Variants in LRP1B observed in about 807,000 individuals in gnomAD.
The protein encoded by LRP1B is low-density lipoprotein receptor-related protein 1B.
Under a neutral mutation model 556.6 loss-of-function variants are expected in LRP1B, and 217 were observed. That is an observed-to-expected ratio of 0.39 (90% CI 0.35 to 0.44). The LOEUF is 0.44. LRP1B is among the 20% of genes least tolerant of loss of function. The pLI, the probability that LRP1B is intolerant of heterozygous loss-of-function variation, is 1.00. For missense variants in LRP1B, 5,053 were observed against 5,620.8 expected, an observed-to-expected ratio of 0.90 and a Z score of 3.23; for synonymous variants, 2,047 against 1,865.8, an observed-to-expected ratio of 1.10 and a Z score of -2.50.
intron 1 of LRP1B, among the ~76,000 whole-genome samples, chr2:141,889,503 A>T (rs749326442): frequency 1.3e-5 from 2 of 152,178 alleles, no homozygotes; most frequent in Non-Finnish European, 2.9e-5. Context: ...TCTAATTTTA[A>T]GTATACCTAC....
chr2:141,939,855 A>C (rs1700745139), intron 1 of LRP1B, among the ~76,000 whole-genome samples: 1 of 152,172 alleles, frequency 6.6e-6, no homozygotes, highest in Non-Finnish European at 1.5e-5. Context: ...GTTGTTAAAC[A>C]TTTAATAGCA....
chr2:140,957,837 GTCTAAAC>G (rs946939715), intron 18 of LRP1B, among the ~76,000 whole-genome samples: 1 of 151,338 alleles, frequency 6.6e-6, no homozygotes. Context: ...GACCTTCAAA[GTCTAAAC>G]TCTAAGTACA....
chr2:140,861,925 G>A (rs1213705871), intron 27 of LRP1B, among the ~76,000 whole-genome samples: 1 of 152,170 alleles, frequency 6.6e-6, no homozygotes, highest in Non-Finnish European at 1.5e-5. Flanking sequence ...TTTTTGTCCT[G>A]AAATCTGTTG....
intron 2 of LRP1B, among the ~76,000 whole-genome samples, chr2:141,493,004 T>C (rs1433959536): frequency 1.3e-5 from 2 of 152,170 alleles, no homozygotes; most frequent in East Asian, 3.9e-4. Context: ...ATAGGATAAT[T>C]GCTGTTTATT....
chr2:140,929,751 T>C lies in LRP1B; in HGVS notation c.3137-6604A>G, dbSNP rs1417602739. Among the ~76,000 whole-genome samples the C allele has an allele frequency of 3.7e-5, 3 of 80,518 alleles. No individual in the cohort carries two copies. The South Asian group carries it at 1.6e-3, about 44-fold the overall frequency. The allele number at this position is 80,518 out of a possible 152,430, so 52.8% of individuals were successfully genotyped here. On this transcript the variant is annotated intron_variant, in intron 20 of 90. Coordinates refer to ENST00000389484, the MANE Select transcript of LRP1B (RefSeq NM_018557.3). ...ACTTAAAGTTTATACCACAGTCATA[T>C]AGACTCACACACACACACACACACA...
chr2:140,271,115 G>C (rs16843745), intron 85 of LRP1B, among the ~76,000 whole-genome samples: 9,700 of 151,918 alleles, frequency 0.064, 440 homozygotes, highest in African/African-American at 0.13. Context: ...TGGGAAAAAC[G>C]CAGACATTTT....
intron 27 of LRP1B, among the ~76,000 whole-genome samples, chr2:140,863,246 C>T (rs996654183): frequency 1.3e-5 from 2 of 152,186 alleles, no homozygotes; most frequent in African/African-American, 4.8e-5. Flanking sequence ...TCTCTCCAAT[C>T]AATCCTTTAC....
intron 2 of LRP1B, among the ~76,000 whole-genome samples, chr2:141,663,140 G>A (rs1690289171): frequency 6.6e-6 from 1 of 152,078 alleles, no homozygotes; most frequent in South Asian, 2.1e-4. Flanking sequence ...TGAAACCAAT[G>A]AGAACAAAGA....
chr2:140,861,232 C>A (rs1243515683), intron 27 of LRP1B, among the ~76,000 whole-genome samples: 1 of 151,988 alleles, frequency 6.6e-6, no homozygotes, highest in Non-Finnish European at 1.5e-5. Context: ...CATGGGGAAA[C>A]CTCATCTCTA....
chr2:141,918,019 A>C (rs1291370137), intron 1 of LRP1B, among the ~76,000 whole-genome samples: 2 of 152,136 alleles, frequency 1.3e-5, no homozygotes, highest in African/African-American at 4.8e-5. Flanking sequence ...ATAAATTAAT[A>C]TGAAGGGATA....
rs1682639788 is a variant in LRP1B, at chr2:141,213,113, A to C, written c.850+16070T>G. 2.0e-5 allele frequency among the ~76,000 whole-genome samples: 3 copies of C among 146,750 alleles called. No individual in the cohort carries two copies. The South Asian group carries it at 6.4e-4, about 31-fold the overall frequency. ...TCCTGAGCACCATCATCCTCAGCTA[A>C]TTAATTTTTTTTTTTTTTTGTAAAG... On this transcript the variant is annotated intron_variant, in intron 6 of 90. Coordinates refer to ENST00000389484, the MANE Select transcript of LRP1B (RefSeq NM_018557.3).
chr2:141,569,768 T>G (rs1343855013), intron 2 of LRP1B, among the ~76,000 whole-genome samples: 1 of 151,138 alleles, frequency 6.6e-6, no homozygotes, highest in Admixed American at 6.6e-5. Flanking sequence ...TTATTTCTTC[T>G]TGCTTGATGT....
intron 31 of LRP1B, among the ~76,000 whole-genome samples, chr2:140,835,158 T>C (rs1338404963): frequency 6.6e-6 from 1 of 152,180 alleles, no homozygotes; most frequent in Non-Finnish European, 1.5e-5. Context: ...ACAGGAATAG[T>C]TCTGAAAAGC....
chr2:141,567,527 T>A (rs1312015124), intron 2 of LRP1B, among the ~76,000 whole-genome samples: 1 of 152,100 alleles, frequency 6.6e-6, no homozygotes, highest in Non-Finnish European at 1.5e-5. Flanking sequence ...TAATTTACAT[T>A]AATTTTTAGA....
In LRP1B at chr2:141,188,549, T is replaced by C; in HGVS notation, c.885A>G (p.Arg295=). ...CGACATGGTCCACAAAATAGAGATT[T>C]CGAGTGAGCCAGTCAATCGCCATTT... ...VQQMAIDWLT[R]NLYFVDHVGD... is the part of the protein sequence containing the mutation. The change falls in exon 7 of 91, where the codon CGA becomes CGG. Residue 295 remains arginine (R), a synonymous_variant. Coordinates refer to ENST00000389484, the MANE Select transcript of LRP1B (RefSeq NM_018557.3). The C allele has an allele frequency of 6.2e-7, 1 of 1,612,558 alleles. No homozygotes were observed. Among genetic ancestry groups the C allele is most frequent in the Non-Finnish European group, 8.5e-7 (1 of 1,179,146 alleles).
chr2:141,659,640 AG>A (rs1442147744), intron 2 of LRP1B, among the ~76,000 whole-genome samples: 1 of 152,048 alleles, frequency 6.6e-6, no homozygotes, highest in Non-Finnish European at 1.5e-5. Context: ...ACGACCTGGG[AG>A]AATGGCATAC....
chr2:141,585,694 G>GA (rs1256770889), intron 2 of LRP1B, among the ~76,000 whole-genome samples: 1 of 151,952 alleles, frequency 6.6e-6, no homozygotes, highest in Admixed American at 6.6e-5. Flanking sequence ...GGAATGTCAG[G>GA]AACTTCATTC....
At chr2:141,807,122 A>G (rs1234100284) in intron 2 of LRP1B, among the ~76,000 whole-genome samples, 1 of 152,098 alleles carries the variant, frequency 6.6e-6, no homozygotes, top group Non-Finnish European at 1.5e-5. Flanking sequence ...ATATAAAATT[A>G]TGCAATTATT....
At chr2:141,342,016 G>T (rs185959777) in intron 3 of LRP1B, among the ~76,000 whole-genome samples, 2 of 151,840 alleles carry the variant, frequency 1.3e-5, no homozygotes, top group East Asian at 3.9e-4. Flanking sequence ...AGGCCGAGGC[G>T]GGCGGATCAC....
Sources: gnomAD v4.1 joint callset for allele counts (sites outside exome capture counted in the v4.1 genomes callset) on GRCh38, gnomAD v4.1.1 for gene constraint, MANE v1.5 for transcripts, NCBI Gene and HGNC (gene_info 2026-07-23, HGNC 2026-07-21) for gene names.